Variants in ANGPT2 observed in about 807,000 individuals in gnomAD.
ANGPT2 encodes angiopoietin 2.
A neutral mutation model predicts 62.9 loss-of-function variants in ANGPT2; 28 were observed. That is an observed-to-expected ratio of 0.44 (90% CI 0.33 to 0.61). The LOEUF (loss-of-function observed/expected upper bound fraction) is 0.61. Among genes scored for constraint, ANGPT2 ranks in the 20% least tolerant of loss-of-function variants. The pLI, the probability that ANGPT2 is intolerant of heterozygous loss-of-function variation, is 0.03. For missense variants in ANGPT2, 727 were observed against 594.9 expected (o/e 1.22, Z -2.31); for synonymous variants, 284 against 207.8 (o/e 1.37, Z -3.15).
intron 4 of ANGPT2, 94 bp from the exon 5 acceptor site, chr8:6,520,085 C>G (rs1817026969): frequency 7.0e-7 from 1 of 1,433,768 alleles, no homozygotes; most frequent in Non-Finnish European, 9.4e-7. Flanking sequence ...AGTTTTATTA[C>G]TTTGGAATTC....
At chr8:6,505,241 T>TATATATATATATTCTTATGTATATATAGA in intron 8 of ANGPT2, among the ~76,000 whole-genome samples, 3 of 113,428 alleles carry the variant, frequency 2.6e-5, no homozygotes, top group Non-Finnish European at 5.1e-5. Flanking sequence ...ATATATAGAA[T>TATATATATATATTCTTATGTATATATAGA]ATATATTCTT....
chr8:6,549,268 G>A (rs901335571), intron 1 of ANGPT2, among the ~76,000 whole-genome samples: 5 of 152,264 alleles, frequency 3.3e-5, no homozygotes, highest in African/African-American at 1.2e-4. Context: ...GCGAAACACT[G>A]CACGGTGATG....
At chr8:6,542,222 C>G (rs1252479848) in intron 1 of ANGPT2, among the ~76,000 whole-genome samples, 2 of 151,812 alleles carry the variant, frequency 1.3e-5, no homozygotes. Context: ...TTTTCTATGC[C>G]AAATAGAATC....
intron 1 of ANGPT2, among the ~76,000 whole-genome samples, chr8:6,557,807 A>C (rs1824885381): frequency 1.3e-5 from 2 of 152,154 alleles, no homozygotes; most frequent in South Asian, 4.1e-4. Context: ...GCTAATTGGA[A>C]AACAGTCTGT....
rs367956503 is a variant in ANGPT2 at position 6,543,012 on chromosome 8, G to C, written c.289-10525C>G. ...TTTAAAAAGGGAGAGGAGCGGACTT[G>C]GGAATGCTGATGGGAATGCTTGAGA... is the stretch of plus-strand genomic sequence containing the variant. On this transcript the variant is annotated intron_variant, in intron 1 of 8. Coordinates refer to ENST00000629816, the MANE Select transcript of ANGPT2 (RefSeq NM_001118887.2). Among the ~76,000 whole-genome samples, 11 of 152,308 alleles carry C rather than the reference G, an allele frequency of 7.2e-5. No homozygotes were observed. The East Asian group carries it at 7.7e-4, about 11-fold the overall frequency.
chr8:6,516,709 G>C (rs1043765103), intron 5 of ANGPT2, among the ~76,000 whole-genome samples: 5 of 152,160 alleles, frequency 3.3e-5, no homozygotes, highest in Admixed American at 2.6e-4. Flanking sequence ...ATCCTAAATG[G>C]TATGCTCTTG....
intron 1 of ANGPT2, among the ~76,000 whole-genome samples, chr8:6,537,486 C>G (rs1223399184): frequency 6.6e-6 from 1 of 151,838 alleles, no homozygotes; most frequent in African/African-American, 2.4e-5. Flanking sequence ...CAGACATAGT[C>G]TTTAAAACTT....
intron 2 of ANGPT2, among the ~76,000 whole-genome samples, chr8:6,530,886 G>A (rs1310162111): frequency 3.9e-5 from 6 of 152,270 alleles, no homozygotes; most frequent in Admixed American, 3.9e-4. Context: ...AGGGCTTATG[G>A]CATCTCCCCT....
Sources: allele counts gnomAD v4.1 joint callset (sites outside exome capture counted in the v4.1 genomes callset), GRCh38; gene constraint gnomAD v4.1.1; transcripts MANE v1.5; gene names NCBI Gene and HGNC (gene_info 2026-07-23, HGNC 2026-07-21).